ZNF512B: variants seen among roughly 807,000 people sequenced by gnomAD.
ZNF512B encodes the protein zinc finger protein 512B.
A neutral mutation model predicts 87.8 loss-of-function variants in ZNF512B; 22 were observed. That is an observed-to-expected ratio of 0.25 (90% CI 0.18 to 0.36). ZNF512B has a LOEUF of 0.36. ZNF512B is among the 10% of genes least tolerant of loss of function. The probability of loss-of-function intolerance (pLI) is 1.00; values close to 1 mark genes in which losing one functional copy is unlikely to be tolerated. For missense variants in ZNF512B, 1,060 were observed against 1,231.6 expected (o/e 0.86, Z 2.09); for synonymous variants, 524 against 490.9 (o/e 1.07, Z -0.89).
rs866162250 is a variant in ZNF512B at position 63,962,147 on chromosome 20, G to A, written c.2265+126C>T. On this transcript the variant is annotated intron_variant, in intron 14 of 16. Coordinates refer to ENST00000369888, the MANE Select transcript of ZNF512B (RefSeq NM_020713.3). ...CCTGGGGACTGGGCAGGCTGGGCAT[G>A]TGAGGCCTGGGGTGGGCTTGGGCAC... 1.3e-5 allele frequency: 17 copies of A among 1,295,580 alleles called. 1 individual carries two copies. Among genetic ancestry groups the A allele is most frequent in the Middle Eastern group, 2.5e-4 (1 of 3,994 alleles). 80.3% of individuals were successfully genotyped at this position (1,295,580 alleles called of 1,614,324 possible). A position where few individuals can be genotyped will look rare whatever the true frequency, so the allele number is the denominator to read the frequency against.
chr20:63,963,364 C>A lies in ZNF512B; in HGVS notation c.1775G>T (p.Gly592Val). Residue 592 changes from glycine to valine, a missense_variant, in exon 11 of 17, where the codon GGA (glycine) becomes GTA (valine). Around this residue, in one of 9 missense-constraint regions of ZNF512B, gnomAD observed 165 missense variants for 173.0 expected, o/e 0.95. Transcript: ENST00000369888. ...GACCTCCTGGGGGCAGCGCAGCCGTCCCATCTGCTTCAGCACCTTGCGCAG... is the reference window on the plus strand; with the variant it reads ...GACCTCCTGGGGGCAGCGCAGCCGTACCATCTGCTTCAGCACCTTGCGCAG... ...ERLRKVLKQM[G>V]RLRCPQEGCG... The A allele has an allele frequency of 6.5e-7, 1 of 1,546,164 alleles. No individual in the cohort carries two copies.
chr20:63,959,435 T>G lies in ZNF512B; in HGVS notation c.*453A>C. ...GTGTTGGGTGGAGGTGAGGCCAGGA[T>G]GGTGGCTGCCCGTGCCAGGTTGCTC... On this transcript the variant is annotated 3_prime_UTR_variant, in exon 17 of 17. Coordinates refer to ENST00000369888, the MANE Select transcript of ZNF512B (RefSeq NM_020713.3). The G allele has an allele frequency of 5.7e-6, 1 of 174,770 alleles. No individual in the cohort carries two copies. Among genetic ancestry groups the G allele is most frequent in the Non-Finnish European group, 1.2e-5 (1 of 83,464 alleles). 10.8% of individuals were successfully genotyped at this position (174,770 alleles called of 1,614,324 possible).
chr20:63,967,197 C>T (rs561013616), intron 3 of ZNF512B, among the ~76,000 whole-genome samples, 184 bp downstream of exon 3: 27 of 152,346 alleles, frequency 1.8e-4, no homozygotes, highest in Middle Eastern at 3.4e-3. Context: ...AGCCCACCAA[C>T]GCGATCCCCC....
rs748178646 is a variant in ZNF512B, at chr20:63,962,776, A to G, written c.1974T>C (p.Pro658=). The G allele has an allele frequency of 6.3e-7, 1 of 1,593,104 alleles. No individual in the cohort carries two copies. Among genetic ancestry groups the G allele is most frequent in the Non-Finnish European group, 8.6e-7 (1 of 1,169,224 alleles). ...HVRSEHTAPP[P]EEPTDKSPEA... is the part of the protein sequence containing the mutation. ...CAGGGGACTTGTCTGTGGGCTCCTC[A>G]GGGGGCTGGAGGGCAGGAAGGCATG... The change falls in exon 13 of 17, where the codon CCT becomes CCC. Residue 658 remains proline (P), a synonymous_variant. Transcript: ENST00000369888.
In ZNF512B at chr20:63,962,787, GGGCAGGAA is replaced by G; in HGVS notation, c.1969-14_1969-7del. Reference sequence around the variant, plus strand: ...TCTGTGGGCTCCTCAGGGGGCTGGAGGGCAGGAAGGCATGGAGGCTAGAGTGAGCCGCG... The same window carrying G: ...TCTGTGGGCTCCTCAGGGGGCTGGAGGGCATGGAGGCTAGAGTGAGCCGCG... On this transcript the variant is annotated splice_region_variant and splice_polypyrimidine_tract_variant and intron_variant, in intron 12 of 16. Transcript: ENST00000369888. 1 of 1,589,610 alleles carries G rather than the reference GGGCAGGAA, an allele frequency of 6.3e-7. No homozygotes were observed. The highest frequency in any genetic ancestry group is 8.6e-7 in the Non-Finnish European group (1 of 1,167,422).
chr20:63,966,320 C>T lies in ZNF512B; in HGVS notation c.855G>A (p.Thr285=), dbSNP rs557041241. 2.6e-5 allele frequency: 41 copies of T among 1,594,094 alleles called. No individual in the cohort carries two copies. The East Asian group carries it at 3.8e-4, about 15-fold the overall frequency. The part of the protein sequence containing the change: ...PITVTKLVTV[T]KPVPVTKPVT... Reference sequence around the variant, plus strand: ...CTGGCTTGGTGACCGGCACGGGTTTCGTAACTGTCACAAGCTTTGTTACCG... The same window carrying T: ...CTGGCTTGGTGACCGGCACGGGTTTTGTAACTGTCACAAGCTTTGTTACCG... Residue 285 remains threonine, a synonymous_variant, in exon 5 of 17, where the codon ACG becomes ACA. Transcript: ENST00000369888.
At position 63,967,890 on chromosome 20, in the gene ZNF512B, C is replaced by T. The variant is rs766604452; in HGVS notation, c.61G>A (p.Gly21Arg). The change falls in exon 2 of 17, where the codon GGG becomes AGG. Residue 21 changes from glycine to arginine, a missense_variant. By Grantham distance (125) the Gly-to-Arg change is moderately radical. Around this residue, in one of 9 missense-constraint regions of ZNF512B, gnomAD observed 134 missense variants for 153.6 expected, o/e 0.87. Transcript: ENST00000369888. ...ACCTCCTTTCGGCTGCCATCCTTCC[C>T]GGGACCACTCTTGCTGGACCCCGGG... ...RLPGSSKSGP[G>R]KDGSRKEVRL... The T allele has an allele frequency of 1.6e-5, 26 of 1,613,136 alleles. No homozygotes were observed. The highest frequency in any genetic ancestry group is 1.6e-4 in the Middle Eastern group (1 of 6,080).
Position 63,964,169 on chromosome 20 carries a change from T to C in ZNF512B, c.1382A>G (p.Gln461Arg). Residue 461 changes from glutamine (Q) to arginine (R), a missense_variant, in exon 8 of 17, where the codon CAG becomes CGG. This residue lies in a region of ZNF512B where 212 missense variants were observed against 207.6 expected (regional missense o/e 1.02). Coordinates refer to ENST00000369888, the MANE Select transcript of ZNF512B (RefSeq NM_020713.3). ...DKARVHRSKK[Q>R]EGPGPEDARK... is the part of the protein sequence containing the mutation. ...GGCGTCCTCAGGGCCTGGCCCCTCC[T>C]GCTTCTTGGAGCGGTGAACTCGGGC... The C allele has an allele frequency of 6.2e-7, 1 of 1,600,394 alleles. No homozygotes were observed. Among genetic ancestry groups the C allele is most frequent in the Middle Eastern group, 1.7e-4 (1 of 5,960 alleles).
chr20:63,962,597 T>C lies in ZNF512B; in HGVS notation c.2153A>G (p.Glu718Gly). The part of the protein sequence containing the change: ...KRRMKDDLVP[E>G]TARLNYTRPG... ...GGGGGGGCAGCTCACCCGTGCGGTCTCGGGCACAAGGTCATCCTTCATGCG... is the reference window on the plus strand; with the variant it reads ...GGGGGGGCAGCTCACCCGTGCGGTCCCGGGCACAAGGTCATCCTTCATGCG... The change falls in exon 13 of 17, where the codon GAG (glutamate) becomes GGG (glycine). Residue 718 changes from glutamate to glycine, a missense_variant. Coordinates refer to ENST00000369888, the MANE Select transcript of ZNF512B (RefSeq NM_020713.3). 1 of 1,605,916 alleles carries C rather than the reference T, an allele frequency of 6.2e-7. No homozygotes were observed. Among genetic ancestry groups the C allele is most frequent in the Non-Finnish European group, 8.5e-7 (1 of 1,178,844 alleles).
chr20:63,959,809 C>T lies in ZNF512B; in HGVS notation c.*79G>A, dbSNP rs925284462. 94 of 1,491,542 alleles carry T rather than the reference C, an allele frequency of 6.3e-5. No individual in the cohort carries two copies. In the South Asian group the frequency reaches 7.9e-4, roughly 13 times the overall value. The allele number at this position is 1,491,542 out of a possible 1,614,324, so 92.4% of individuals were successfully genotyped here. On this transcript the variant is annotated 3_prime_UTR_variant, in exon 17 of 17. Coordinates refer to ENST00000369888, the MANE Select transcript of ZNF512B (RefSeq NM_020713.3). ...GGGTGGGGGATGGAGAACTGGAGGA[C>T]AGAGGTCCCGGAGCTGGCCCTGCCT...
rs774348003 is a variant in ZNF512B at position 63,967,523 on chromosome 20, C to T, written c.122G>A (p.Gly41Glu). ...CTGTCCACCACGGACCACCGGCATCCCTGCAGCACACAACACAGCAAGGCT... is the reference window on the plus strand; with the variant it reads ...CTGTCCACCACGGACCACCGGCATCTCTGCAGCACACAACACAGCAAGGCT... ...LPMLHDPPKM[G>E]MPVVRGGQTV... Residue 41 changes from glycine (G) to glutamate (E), a missense_variant and splice_region_variant, in exon 3 of 17, where the codon GGG becomes GAG. Transcript: ENST00000369888. 1 of 1,597,982 alleles carries T rather than the reference C, an allele frequency of 6.3e-7. No homozygotes were observed. Among genetic ancestry groups the T allele is most frequent in the African/African-American group, 1.3e-5 (1 of 74,496 alleles).
Position 63,958,687 on chromosome 20 carries a change from T to C in ZNF512B, c.*1201A>G, listed in dbSNP as rs948091232. The C allele has an allele frequency of 2.0e-5, 3 of 152,270 alleles. No individual in the cohort carries two copies. The highest frequency in any genetic ancestry group is 1.3e-4 in the Admixed American group (2 of 15,284). The allele number at this position is 152,270 out of a possible 1,614,324, so 9.4% of individuals were successfully genotyped here. Reference sequence around the variant, plus strand: ...CCCTGCCTGACCCCTGCCCTACCTATAGACCCAGCCGTCCTCAGGGCCACA... The same window carrying C: ...CCCTGCCTGACCCCTGCCCTACCTACAGACCCAGCCGTCCTCAGGGCCACA... On this transcript the variant is annotated 3_prime_UTR_variant, in exon 17 of 17. Coordinates refer to ENST00000369888, the MANE Select transcript of ZNF512B (RefSeq NM_020713.3).
At chr20:63,963,469 G>C (rs759336830) in intron 10 of ZNF512B, 29 bp from the exon 11 acceptor site, 2 of 1,544,654 alleles carry the variant, frequency 1.3e-6, no homozygotes, top group Non-Finnish European at 1.7e-6. Context: ...TCGGTGACCC[G>C]GCACCATCGC....
Position 63,963,855 on chromosome 20 carries a change from G to A in ZNF512B, c.1539C>T (p.Pro513=). ...AIHERGEAVC[P]TCNVVTRKTL... ...TCTTCCGGGTGACCACGTTGCAGGT[G>A]GGGCAGACGGCTTCCCCGCGCTCAT... The change falls in exon 9 of 17, where the codon CCC becomes CCT. Residue 513 remains proline, a synonymous_variant. Coordinates refer to ENST00000369888, the MANE Select transcript of ZNF512B (RefSeq NM_020713.3). 6.2e-7 allele frequency: 1 copy of A among 1,612,692 alleles called. No individual in the cohort carries two copies. The highest frequency in any genetic ancestry group is 8.5e-7 in the Non-Finnish European group (1 of 1,180,016).
chr20:63,966,105 C>T (rs2058920523), intron 5 of ZNF512B, 36 bp downstream of exon 5: 1 of 663,494 alleles, frequency 1.5e-6, no homozygotes. Context: ...CTTTTCTTAC[C>T]ACTGTTCCTC....
Position 63,956,970 on chromosome 20 carries a change from A to G in ZNF512B, c.*2918T>C, listed in dbSNP as rs2146865374. 6.5e-6 allele frequency: 1 copy of G among 152,744 alleles called. No homozygotes were observed. Among genetic ancestry groups the G allele is most frequent in the South Asian group, 2.1e-4 (1 of 4,834 alleles). The allele number at this position is 152,744 out of a possible 1,614,324, so 9.5% of individuals were successfully genotyped here. A position where few individuals can be genotyped will look rare whatever the true frequency, so the allele number is the denominator to read the frequency against. ...ACTTATGTACTGAGAACTGGCATTA[A>G]AAAACCCAAACCAAGAAACCCAAAG... is the stretch of plus-strand genomic sequence containing the variant. On this transcript the variant is annotated 3_prime_UTR_variant, in exon 17 of 17. Transcript: ENST00000369888.
rs992629091 is a variant in ZNF512B, at chr20:63,958,893, T to C, written c.*995A>G. The C allele has an allele frequency of 1.3e-5, 2 of 152,326 alleles. No individual in the cohort carries two copies. Among genetic ancestry groups the C allele is most frequent in the Admixed American group, 1.3e-4 (2 of 15,278 alleles). 9.4% of individuals were successfully genotyped at this position (152,326 alleles called of 1,614,324 possible). A position where few individuals can be genotyped will look rare whatever the true frequency, so the allele number is the denominator to read the frequency against. Reference sequence around the variant, plus strand: ...AGCTTGGCCACTGGGCCTACCCAGATTGGCAGACAGAAGGCTGCCTTTCCC... The same window carrying C: ...AGCTTGGCCACTGGGCCTACCCAGACTGGCAGACAGAAGGCTGCCTTTCCC... On this transcript the variant is annotated 3_prime_UTR_variant, in exon 17 of 17. Transcript: ENST00000369888.
chr20:63,961,927 G>A lies in ZNF512B; in HGVS notation c.2328+15C>T, dbSNP rs545692050. On this transcript the variant is annotated intron_variant, in intron 15 of 16. Coordinates refer to ENST00000369888, the MANE Select transcript of ZNF512B (RefSeq NM_020713.3). The surrounding 1 kb of genome is among the most constrained non-coding windows in gnomAD (Gnocchi z 6.4). ...GTGCAGCGCACCTGGCCGTGGGGCA[G>A]GCCCCAGAACTGACCTTACTGCAGC... is the stretch of plus-strand genomic sequence containing the variant. 1.9e-6 allele frequency: 3 copies of A among 1,550,614 alleles called. No homozygotes were observed. The East Asian group carries it at 7.3e-5, about 38-fold the overall frequency.
In ZNF512B at chr20:63,957,760, A is replaced by G. The variant is rs1487475807; in HGVS notation, c.*2128T>C. On this transcript the variant is annotated 3_prime_UTR_variant, in exon 17 of 17. Transcript: ENST00000369888. ...CCACACCCTGCAGGTGTTCAGGTCC[A>G]CCCTCCTCCCGCCATTGGTGGCAAG... is the stretch of plus-strand genomic sequence containing the variant. 1 of 152,066 alleles carries G rather than the reference A, an allele frequency of 6.6e-6. No individual in the cohort carries two copies. Among genetic ancestry groups the G allele is most frequent in the Non-Finnish European group, 1.5e-5 (1 of 68,034 alleles). 9.4% of individuals were successfully genotyped at this position (152,066 alleles called of 1,614,324 possible).
Sources: allele counts gnomAD v4.1 joint callset (sites outside exome capture counted in the v4.1 genomes callset), GRCh38; gene constraint gnomAD v4.1.1; regional missense constraint gnomAD v4.1.1; non-coding constraint Gnocchi (gnomAD v3.1); transcripts MANE v1.5; gene names NCBI Gene and HGNC (gene_info 2026-07-23, HGNC 2026-07-21).